The following FNIP1 variants were observed in gnomAD, a reference collection of about 807,000 sequenced individuals.
FNIP1 encodes folliculin-interacting protein 1.
Under a neutral mutation model 124.5 loss-of-function variants are expected in FNIP1, and 40 were observed. The observed-to-expected ratio is 0.32, with a 90% CI of 0.25 to 0.42. The LOEUF is 0.42. Ranked by LOEUF, FNIP1 falls within the 10% of genes least tolerant of loss-of-function variation. FNIP1 has a pLI of 1.00. For synonymous variants in FNIP1, 472 were observed against 470.6 expected, an observed-to-expected ratio of 1.00 and a Z score of -0.04; for missense variants, 1,176 against 1,403.7, an observed-to-expected ratio of 0.84 and a Z score of 2.59.
rs201159440 is a variant in FNIP1, at chr5:131,682,233, A to G, written c.1203-3058T>C. Among the ~76,000 whole-genome samples, 18 of 152,362 alleles carry G rather than the reference A, an allele frequency of 1.2e-4. No individual in the cohort carries two copies. The East Asian group carries it at 3.5e-3, about 29-fold the overall frequency. On this transcript the variant is annotated intron_variant, in intron 11 of 17. Transcript: ENST00000510461. Reference sequence around the variant, plus strand: ...ACTATAAGTCCATGTGTCATTGCACAGAGCCAGATCACAAACACTGGTATT... The same window carrying G: ...ACTATAAGTCCATGTGTCATTGCACGGAGCCAGATCACAAACACTGGTATT...
intron 6 of FNIP1, among the ~76,000 whole-genome samples, chr5:131,713,876 G>T (rs139446286): frequency 1.3e-5 from 2 of 152,174 alleles, no homozygotes; most frequent in Non-Finnish European, 2.9e-5. Flanking sequence ...GGAGTAACAT[G>T]ATCAGCCTTC....
intron 3 of FNIP1, among the ~76,000 whole-genome samples, chr5:131,723,858 CT>C (rs1458976119): frequency 3.3e-5 from 5 of 151,914 alleles, no homozygotes; most frequent in South Asian, 4.2e-4. Context: ...ATCCCTCCCC[CT>C]AGCCCCCCAC....
At chr5:131,676,107 C>T (rs1767904181) in intron 13 of FNIP1, among the ~76,000 whole-genome samples, 1 of 151,492 alleles carries the variant, frequency 6.6e-6, no homozygotes, top group South Asian at 2.1e-4. Flanking sequence ...CTGCAAGCTC[C>T]GCCTCCTGGG....
chr5:131,753,145 C>A (rs1305314188), intron 1 of FNIP1, among the ~76,000 whole-genome samples: 1 of 152,042 alleles, frequency 6.6e-6, no homozygotes, highest in African/African-American at 2.4e-5. Context: ...ACTGACACGA[C>A]TAATAACACC....
chr5:131,649,835 T>A (rs975415665), intron 16 of FNIP1, among the ~76,000 whole-genome samples: 2 of 152,306 alleles, frequency 1.3e-5, no homozygotes, highest in East Asian at 3.9e-4. Context: ...AATTCTTTTG[T>A]ATGTGGCTAT....
At position 131,645,188 on chromosome 5, in the gene FNIP1, G is replaced by A. The variant is rs142878139; in HGVS notation, c.3423-425C>T. Among the ~76,000 whole-genome samples the A allele has an allele frequency of 5.2e-3, 798 of 152,076 alleles. 13 individuals are homozygous for A. Among genetic ancestry groups the A allele is most frequent in the African/African-American group, 0.017 (722 of 41,464 alleles). On this transcript the variant is annotated intron_variant, in intron 17 of 17. Coordinates refer to ENST00000510461, the MANE Select transcript of FNIP1 (RefSeq NM_133372.3). Reference sequence around the variant, plus strand: ...ATTTTAAAAACTAGCTGGGCATGGTGGTGTGTGCCCGTGGTACCAGCTACT... The same window carrying A: ...ATTTTAAAAACTAGCTGGGCATGGTAGTGTGTGCCCGTGGTACCAGCTACT...
Position 131,683,392 on chromosome 5 carries a change from C to CA in FNIP1, c.1203-4218dup, listed in dbSNP as rs879855505. ...AGAAACCCTGTCGCTACTAAAAATA[C>CA]AAAAAAAAAAATTAGCCAGGCGTGG... is the stretch of plus-strand genomic sequence containing the variant. On this transcript the variant is annotated intron_variant, in intron 11 of 17. Coordinates refer to ENST00000510461, the MANE Select transcript of FNIP1 (RefSeq NM_133372.3). Among the ~76,000 whole-genome samples the CA allele has an allele frequency of 1.2e-3, 173 of 143,804 alleles. 1 individual carries two copies. The highest frequency in any genetic ancestry group is 3.5e-3 in the Middle Eastern group (1 of 286). 94.3% of individuals were successfully genotyped at this position (143,804 alleles called of 152,430 possible).
chr5:131,716,617 ATTG>A lies in FNIP1; in HGVS notation c.567_569del (p.Asn190del). 1 of 1,606,238 alleles carries A rather than the reference ATTG, an allele frequency of 6.2e-7. No homozygotes were observed. ...CTGTGTTATTATCAGCCTTTAATGT[ATTG>A]TTGTCCTGATTGATGAATTCAAGAC... On this transcript the variant is annotated inframe_deletion, in exon 6 of 18. Transcript: ENST00000510461.
intron 1 of FNIP1, among the ~76,000 whole-genome samples, chr5:131,764,119 G>A (rs914508571): frequency 1.3e-5 from 2 of 151,870 alleles, no homozygotes; most frequent in Non-Finnish European, 2.9e-5. Context: ...GCCATGTGAA[G>A]TGCCTGCTCC....
At chr5:131,759,715 T>C (rs1449571670) in intron 1 of FNIP1, among the ~76,000 whole-genome samples, 1 of 152,182 alleles carries the variant, frequency 6.6e-6, no homozygotes, top group Non-Finnish European at 1.5e-5. Flanking sequence ...CAGCTACCAT[T>C]TGATCCAGCA....
Position 131,670,595 on chromosome 5 carries a change from G to A in FNIP1, c.2976C>T (p.Asn992=). The A allele has an allele frequency of 1.2e-6, 2 of 1,613,242 alleles. No homozygotes were observed. The highest frequency in any genetic ancestry group is 1.7e-6 in the Non-Finnish European group (2 of 1,179,798). ...KLIEVSAVQP[N]IANFGRSLLG... ...GCAAGGACCTCCCGAAGTTGGCAATGTTGGGCTGAACAGCACTCACTTCGA... is the reference window on the plus strand; with the variant it reads ...GCAAGGACCTCCCGAAGTTGGCAATATTGGGCTGAACAGCACTCACTTCGA... Residue 992 remains asparagine, a synonymous_variant, in exon 15 of 18, where the codon AAC becomes AAT. Transcript: ENST00000510461.
chr5:131,742,212 C>A (rs77780615), intron 2 of FNIP1, among the ~76,000 whole-genome samples: 5,437 of 152,214 alleles, frequency 0.036, 120 homozygotes, highest in East Asian at 0.11. Context: ...GCTGGTAATC[C>A]CAGCACTTTA....
At chr5:131,699,761 T>C (rs964828842) in intron 10 of FNIP1, among the ~76,000 whole-genome samples, 9 of 151,382 alleles carry the variant, frequency 5.9e-5, no homozygotes, top group African/African-American at 2.2e-4. Context: ...ACTAAAAACA[T>C]GAAAATTAGC....
chr5:131,778,889 C>T (rs1297114779), intron 1 of FNIP1, among the ~76,000 whole-genome samples: 4 of 127,176 alleles, frequency 3.1e-5, no homozygotes, highest in Admixed American at 1.6e-4. Flanking sequence ...AGTAAACTAT[C>T]GCAAGAACAA....
At chr5:131,666,689 T>C (rs1487338066) in intron 15 of FNIP1, among the ~76,000 whole-genome samples, 1 of 152,132 alleles carries the variant, frequency 6.6e-6, no homozygotes, top group Non-Finnish European at 1.5e-5. Flanking sequence ...TTAAGTGAAA[T>C]AGTACACTTA....
chr5:131,789,996 C>T (rs982088240), intron 1 of FNIP1, among the ~76,000 whole-genome samples: 2 of 152,204 alleles, frequency 1.3e-5, no homozygotes, highest in East Asian at 1.9e-4. Context: ...GTCATCTCTA[C>T]GTGGGCATCT....
At chr5:131,666,004 C>T (rs1032811165) in intron 15 of FNIP1, among the ~76,000 whole-genome samples, 1 of 150,724 alleles carries the variant, frequency 6.6e-6, no homozygotes, top group Non-Finnish European at 1.5e-5. Context: ...TGGGTTCAGG[C>T]CATTCTCCTG....
At chr5:131,693,313 TATACAC>T (rs1441697661) in intron 11 of FNIP1, among the ~76,000 whole-genome samples, 3 of 20,570 alleles carry the variant, frequency 1.5e-4, no homozygotes, top group African/African-American at 2.5e-4. Flanking sequence ...TATATATATA[TATACAC>T]ATATATATAT....
intron 3 of FNIP1, among the ~76,000 whole-genome samples, chr5:131,727,363 T>C (rs982862608): frequency 2.6e-5 from 4 of 152,214 alleles, no homozygotes; most frequent in Non-Finnish European, 5.9e-5. Context: ...TTACAATAGT[T>C]AGCTCTTCTT....
Sources: gnomAD v4.1 joint callset for allele counts (sites outside exome capture counted in the v4.1 genomes callset) on GRCh38, gnomAD v4.1.1 for gene constraint, MANE v1.5 for transcripts, NCBI Gene and HGNC (gene_info 2026-07-23, HGNC 2026-07-21) for gene names.